The following PDE10A variants were observed in gnomAD, a reference collection of about 807,000 sequenced individuals.
The protein encoded by PDE10A is cAMP and cAMP-inhibited cGMP 3',5'-cyclic phosphodiesterase 10A.
Under a neutral mutation model 97.7 loss-of-function variants are expected in PDE10A, and 39 were observed. The observed-to-expected ratio is 0.40, with a 90% CI of 0.31 to 0.52. The LOEUF (loss-of-function observed/expected upper bound fraction) is 0.52, where lower values mean the gene tolerates loss of function less well. PDE10A is among the 20% of genes least tolerant of loss of function. The pLI is 0.56. For synonymous variants in PDE10A, 371 were observed against 376.8 expected, an observed-to-expected ratio of 0.98 and a Z score of 0.18; for missense variants, 731 against 1,047.8, an observed-to-expected ratio of 0.70 and a Z score of 4.17.
chr6:165,612,530 G>A (rs911865299), intron 1 of PDE10A, among the ~76,000 whole-genome samples: 6 of 151,986 alleles, frequency 3.9e-5, no homozygotes, highest in South Asian at 4.1e-4. Flanking sequence ...CACCATGTCC[G>A]GCTAATTTTT....
At chr6:165,707,384 C>T (rs1445989033) in intron 1 of PDE10A, among the ~76,000 whole-genome samples, 1 of 152,234 alleles carries the variant, frequency 6.6e-6, no homozygotes, top group Non-Finnish European at 1.5e-5. Flanking sequence ...CTCAGAAGGC[C>T]TGCTTCCCTC....
chr6:165,909,700 C>T (rs2128486033), intron 1 of PDE10A, among the ~76,000 whole-genome samples: 1 of 152,290 alleles, frequency 6.6e-6, no homozygotes, highest in South Asian at 2.1e-4. Context: ...AGCACAAGGG[C>T]TTCCCAAGGG....
chr6:165,951,271 T>C (rs756198015), intron 1 of PDE10A, among the ~76,000 whole-genome samples: 61 of 152,242 alleles, frequency 4.0e-4, no homozygotes, highest in Admixed American at 9.8e-4. Flanking sequence ...ATCTCCAACA[T>C]TGTTTTACGT....
At chr6:165,363,346 C>T (rs990062385) in intron 18 of PDE10A, among the ~76,000 whole-genome samples, 2 of 151,340 alleles carry the variant, frequency 1.3e-5, no homozygotes, top group African/African-American at 2.4e-5. Flanking sequence ...GAAACCCCGT[C>T]TCTACTAAAA....
Position 165,619,370 on chromosome 6 carries a change from T to TA in PDE10A, c.865+42576_865+42577insT, listed in dbSNP as rs1263456425. ...TAGTGTAGTGTAGTCTAGTGTAGTG[T>TA]GGTGTAGTGTAGTCTAGTATAGTGT... On this transcript the variant is annotated intron_variant, in intron 1 of 21. Transcript: ENST00000539869. 2.1e-4 allele frequency among the ~76,000 whole-genome samples: 24 copies of TA among 115,780 alleles called. 1 individual carries two copies. Among genetic ancestry groups the TA allele is most frequent in the Non-Finnish European group, 3.0e-4 (16 of 52,584 alleles). 76.0% of individuals were successfully genotyped at this position (115,780 alleles called of 152,430 possible). A position where few individuals can be genotyped will look rare whatever the true frequency, so the allele number is the denominator to read the frequency against.
intron 1 of PDE10A, among the ~76,000 whole-genome samples, chr6:165,923,679 A>G (rs1400379681): frequency 1.3e-5 from 2 of 152,242 alleles, no homozygotes; most frequent in Admixed American, 1.3e-4. Context: ...TTACAAAATT[A>G]TCTCAATGAA....
Position 165,599,347 on chromosome 6 carries a change from G to A in PDE10A, c.866-55779C>T, listed in dbSNP as rs542220357. ...AATTCAACTCACTCCCTCGCAATAGGTATGACTCTTTCTCTGTTGCACAAA... is the reference window on the plus strand; with the variant it reads ...AATTCAACTCACTCCCTCGCAATAGATATGACTCTTTCTCTGTTGCACAAA... On this transcript the variant is annotated intron_variant, in intron 1 of 21. Coordinates refer to ENST00000539869, the MANE Select transcript of PDE10A (RefSeq NM_001385079.1). Among the ~76,000 whole-genome samples the A allele has an allele frequency of 2.8e-4, 43 of 152,270 alleles. No individual in the cohort carries two copies. In the South Asian group the frequency reaches 7.7e-3, roughly 27 times the overall value.
intron 14 of PDE10A, among the ~76,000 whole-genome samples, chr6:165,395,828 T>G (rs1359822795): frequency 2.0e-5 from 3 of 152,192 alleles, no homozygotes; most frequent in Admixed American, 6.5e-5. Flanking sequence ...TAGATAGTGT[T>G]GGCTTACACT....
At chr6:165,383,255 TA>T (rs1167858869) in intron 17 of PDE10A, among the ~76,000 whole-genome samples, 11 of 152,104 alleles carry the variant, frequency 7.2e-5, no homozygotes, top group Non-Finnish European at 1.0e-4. Flanking sequence ...AATGGGCTAT[TA>T]AAAAAGGCAA....
At chr6:165,881,364 A>G (rs1367468890) in intron 1 of PDE10A, among the ~76,000 whole-genome samples, 1 of 151,458 alleles carries the variant, frequency 6.6e-6, no homozygotes, top group African/African-American at 2.4e-5. Flanking sequence ...GGACACAGCA[A>G]CAAGCAATTT....
intron 1 of PDE10A, among the ~76,000 whole-genome samples, chr6:165,872,119 C>T (rs566178805): frequency 6.6e-6 from 1 of 152,300 alleles, no homozygotes; most frequent in East Asian, 1.9e-4. Context: ...CCAGTTAGAG[C>T]ATGCCTTTAT....
At chr6:165,453,531 G>A (rs1417533689) in intron 3 of PDE10A, among the ~76,000 whole-genome samples, 3 of 152,196 alleles carry the variant, frequency 2.0e-5, no homozygotes, top group African/African-American at 7.2e-5. Context: ...TGGAACCTCA[G>A]CTTTTGCTGC....
chr6:165,726,891 A>G (rs1332609282), intron 1 of PDE10A, among the ~76,000 whole-genome samples: 5 of 152,242 alleles, frequency 3.3e-5, no homozygotes, highest in Non-Finnish European at 7.3e-5. Flanking sequence ...TGACCAAACT[A>G]AAGATGACAG....
rs1790509740 is a variant in PDE10A, at chr6:165,442,083, G to C, written c.1195-6706C>G. Among the ~76,000 whole-genome samples, 10 of 151,982 alleles carry C rather than the reference G, an allele frequency of 6.6e-5. No individual in the cohort carries two copies. The South Asian group carries it at 2.1e-3, about 32-fold the overall frequency. On this transcript the variant is annotated intron_variant, in intron 5 of 21. Coordinates refer to ENST00000539869, the MANE Select transcript of PDE10A (RefSeq NM_001385079.1). ...TAGTAAATGGTTTGTGTATTAGTCT[G>C]TTCTCACACTGCTAGAAAGAACTAC... is the stretch of plus-strand genomic sequence containing the variant.
intron 1 of PDE10A, among the ~76,000 whole-genome samples, chr6:165,588,363 T>A (rs904694851): frequency 6.9e-6 from 1 of 144,170 alleles, no homozygotes; most frequent in African/African-American, 2.6e-5. Flanking sequence ...TGATCTCGGC[T>A]CACTGCAACC....
At chr6:165,929,314 A>G (rs546994813) in intron 1 of PDE10A, among the ~76,000 whole-genome samples, 18 of 152,334 alleles carry the variant, frequency 1.2e-4, no homozygotes, top group Admixed American at 3.9e-4. Flanking sequence ...GGAAGGATCA[A>G]ACATGGGGTT....
intron 1 of PDE10A, among the ~76,000 whole-genome samples, chr6:165,639,042 AGGAGGGAG>A (rs1267639475): frequency 7.2e-6 from 1 of 138,844 alleles, no homozygotes; most frequent in Non-Finnish European, 1.6e-5. Context: ...GAGGGAAGGA[AGGAGGGAG>A]GGAGGGAGGG....
At chr6:165,631,238 C>T (rs765025894) in intron 1 of PDE10A, among the ~76,000 whole-genome samples, 2 of 152,056 alleles carry the variant, frequency 1.3e-5, no homozygotes, top group Non-Finnish European at 2.9e-5. Context: ...CTTTAAAGAA[C>T]AGGACTGATA....
chr6:165,362,085 G>T (rs1305628494), intron 18 of PDE10A, among the ~76,000 whole-genome samples: 2 of 152,040 alleles, frequency 1.3e-5, no homozygotes, highest in African/African-American at 4.8e-5. Flanking sequence ...TCTATATTAA[G>T]AAAGAAGAAA....
Sources: gnomAD v4.1 joint callset for allele counts (sites outside exome capture counted in the v4.1 genomes callset) on GRCh38, gnomAD v4.1.1 for gene constraint, MANE v1.5 for transcripts, NCBI Gene and HGNC (gene_info 2026-07-23, HGNC 2026-07-21) for gene names.